COL5A2: variants seen among roughly 807,000 people sequenced by gnomAD.
COL5A2 encodes the protein collagen alpha-2(V) chain.
COL5A2 carries 23 observed loss-of-function variants against 208.2 expected under a neutral mutation model. The ratio of observed to expected loss-of-function variants is 0.11; its 90% confidence interval spans 0.08 to 0.16. COL5A2 has a LOEUF of 0.16. COL5A2 is among the 10% of genes least tolerant of loss of function. The probability of loss-of-function intolerance (pLI) is 1.00; values close to 1 mark genes in which losing one functional copy is unlikely to be tolerated. For missense variants in COL5A2, 1,590 were observed against 1,956.4 expected, an observed-to-expected ratio of 0.81 and a Z score of 3.53; for synonymous variants, 625 against 628.5, an observed-to-expected ratio of 0.99 and a Z score of 0.08.
chr2:189,292,121 C>A, the COL5A2 span, among the ~76,000 whole-genome samples: 11 of 152,188 alleles, frequency 7.2e-5, no homozygotes, highest in Admixed American at 5.9e-4. Flanking sequence ...ACTAAGTGAT[C>A]TGATTCTTGG....
chr2:189,068,303 A>C (rs535303205), intron 19 of COL5A2, 33 bp from the exon 20 acceptor site: 1 of 1,530,584 alleles, frequency 6.5e-7, no homozygotes. Flanking sequence ...GTAATGAAAT[A>C]TTAAGCAATA....
the COL5A2 span, among the ~76,000 whole-genome samples, chr2:189,287,668 A>T: frequency 4.6e-5 from 7 of 152,140 alleles, no homozygotes; most frequent in African/African-American, 1.7e-4. Flanking sequence ...TTACTAACAA[A>T]CCATGTTAAA....
At chr2:189,109,349 C>A (rs1687214474) in intron 2 of COL5A2, among the ~76,000 whole-genome samples, 1 of 151,664 alleles carries the variant, frequency 6.6e-6, no homozygotes, top group Non-Finnish European at 1.5e-5. Context: ...GGTATTTACC[C>A]AAGGCACATT....
At chr2:189,157,846 C>A (rs1321882664) in intron 1 of COL5A2, among the ~76,000 whole-genome samples, 1 of 151,972 alleles carries the variant, frequency 6.6e-6, no homozygotes, top group African/African-American at 2.4e-5. Context: ...TATTTTTAAT[C>A]TGATATTAGT....
chr2:189,277,445 C>T, the COL5A2 span, among the ~76,000 whole-genome samples: 2 of 151,972 alleles, frequency 1.3e-5, no homozygotes, highest in African/African-American at 4.8e-5. Context: ...CCTGCGAGTT[C>T]GGGTCAATCA....
chr2:189,289,733 C>A, the COL5A2 span, among the ~76,000 whole-genome samples: 3 of 152,218 alleles, frequency 2.0e-5, no homozygotes, highest in East Asian at 5.8e-4. Context: ...TTCCGAACAC[C>A]TAGGTTTGTA....
intron 2 of COL5A2, among the ~76,000 whole-genome samples, chr2:189,107,281 C>G (rs945421047): frequency 1.3e-5 from 2 of 151,516 alleles, no homozygotes; most frequent in Non-Finnish European, 3.0e-5. Context: ...TTTTCTGTTT[C>G]TACCAGAGCT....
At chr2:189,412,819 A>G in the COL5A2 span, among the ~76,000 whole-genome samples, 44 of 152,348 alleles carry the variant, frequency 2.9e-4, 1 homozygote, top group East Asian at 8.3e-3. Context: ...ATCTCTTAAC[A>G]TCAAAACATA....
intron 6 of COL5A2, among the ~76,000 whole-genome samples, chr2:189,092,870 A>G (rs1162814839): frequency 6.6e-6 from 1 of 152,132 alleles, no homozygotes; most frequent in Non-Finnish European, 1.5e-5. Context: ...CCCAAAATTC[A>G]AGAATCCCTT....
chr2:189,315,827 A>G, the COL5A2 span, among the ~76,000 whole-genome samples: 1 of 152,210 alleles, frequency 6.6e-6, no homozygotes, highest in African/African-American at 2.4e-5. Context: ...ACTCCCATTC[A>G]CAGTTGCCAC....
the COL5A2 span, among the ~76,000 whole-genome samples, chr2:189,256,057 T>C: frequency 1.3e-5 from 2 of 152,218 alleles, no homozygotes; most frequent in Non-Finnish European, 1.5e-5. Flanking sequence ...CACATTCAGA[T>C]GTCTCTATCT....
chr2:189,096,631 A>AAAG (rs1023448101), intron 6 of COL5A2, among the ~76,000 whole-genome samples: 1 of 151,512 alleles, frequency 6.6e-6, no homozygotes, highest in Non-Finnish European at 1.5e-5. Flanking sequence ...CAAAAAAAAA[A>AAAG]AAAAAAAGAA....
the COL5A2 span, among the ~76,000 whole-genome samples, chr2:189,392,501 G>A: frequency 0.02 from 2,979 of 152,124 alleles, 98 homozygotes; most frequent in African/African-American, 0.068. Context: ...AGTAAAGAAC[G>A]TTCCTTTCTT....
Position 189,050,573 on chromosome 2 carries a change from G to A in COL5A2, c.3035C>T (p.Pro1012Leu). 1 of 1,550,168 alleles carries A rather than the reference G, an allele frequency of 6.5e-7. No homozygotes were observed. Among genetic ancestry groups the A allele is most frequent in the Non-Finnish European group, 8.7e-7 (1 of 1,145,648 alleles). ...TTGACCGATGCAGCTACTCACCGCT[G>A]GGCCTGGTAGGCCGGGCATGCCTCT... ...GERGMPGLPGPAGTPGKVGPT... is the reference protein window; with the variant it reads ...GERGMPGLPGLAGTPGKVGPT... Residue 1012 changes from proline (P) to leucine (L), a missense_variant, in exon 43 of 54, where the codon CCA (proline) becomes CTA (leucine). Pro to Leu is a moderately conservative substitution (Grantham distance 98). Coordinates refer to ENST00000374866, the MANE Select transcript of COL5A2 (RefSeq NM_000393.5).
the COL5A2 span, among the ~76,000 whole-genome samples, chr2:189,367,078 CCTCA>C: frequency 2.8e-4 from 43 of 152,256 alleles, no homozygotes; most frequent in Non-Finnish European, 5.7e-4. Context: ...AGAAATTCTC[CCTCA>C]CTCTTGCTCC....
Position 189,061,733 on chromosome 2 carries a change from C to G in COL5A2, c.1978-118G>C, listed in dbSNP as rs536127486. The stretch of plus-strand genomic sequence containing the variant: ...GTATTTCTTCCAATCACATGTTTTT[C>G]TCTTTAGCCAGGTAATAAACTAGTA... On this transcript the variant is annotated intron_variant, in intron 29 of 53. Transcript: ENST00000374866. 4.9e-6 allele frequency: 4 copies of G among 821,696 alleles called. No homozygotes were observed. The South Asian group carries it at 5.8e-5, about 12-fold the overall frequency. The allele number at this position is 821,696 out of a possible 1,614,324, so 50.9% of individuals were successfully genotyped here. A position where few individuals can be genotyped will look rare whatever the true frequency, so the allele number is the denominator to read the frequency against.
intron 1 of COL5A2, among the ~76,000 whole-genome samples, chr2:189,149,161 A>G (rs976389832): frequency 6.6e-6 from 1 of 152,328 alleles, no homozygotes; most frequent in South Asian, 2.1e-4. Context: ...GTTTTGAAAA[A>G]TGAAAAATAC....
the COL5A2 span, among the ~76,000 whole-genome samples, chr2:189,259,745 T>G: frequency 6.6e-6 from 1 of 152,030 alleles, no homozygotes; most frequent in East Asian, 1.9e-4. Flanking sequence ...CCACGCAGAG[T>G]TCAGAAGGCC....
intron 41 of COL5A2, 111 bp downstream of exon 41, chr2:189,052,061 T>C (rs997102257): frequency 3.5e-6 from 3 of 865,872 alleles, no homozygotes; most frequent in African/African-American, 1.7e-5. Context: ...AGTTGTTAAA[T>C]AAGAAAACAT....
Sources: gnomAD v4.1 joint callset for allele counts (sites outside exome capture counted in the v4.1 genomes callset) on GRCh38, gnomAD v4.1.1 for gene constraint, MANE v1.5 for transcripts, NCBI Gene and HGNC (gene_info 2026-07-23, HGNC 2026-07-21) for gene names.